SVIL: variants seen among roughly 807,000 people sequenced by gnomAD.
SVIL encodes the protein archvillin.
SVIL carries 101 observed loss-of-function variants against 240.4 expected under a neutral mutation model. That is an observed-to-expected ratio of 0.42 (90% CI 0.36 to 0.50). The LOEUF (loss-of-function observed/expected upper bound fraction) is 0.50. Ranked by LOEUF, SVIL falls within the 20% of genes least tolerant of loss-of-function variation. SVIL has a pLI of 0.01. For synonymous variants in SVIL, 999 were observed against 1,100.0 expected, an observed-to-expected ratio of 0.91 and a Z score of 1.82; for missense variants, 2,512 against 2,818.7, an observed-to-expected ratio of 0.89 and a Z score of 2.46.
chr10:29,653,553 T>C (rs1958908774), intron 3 of SVIL, among the ~76,000 whole-genome samples: 1 of 152,176 alleles, frequency 6.6e-6, no homozygotes, highest in Admixed American at 6.5e-5. Flanking sequence ...CTGCACAAAG[T>C]TTTCTAATTT....
At chr10:29,651,514 T>C (rs1237730545) in intron 3 of SVIL, among the ~76,000 whole-genome samples, 1 of 152,104 alleles carries the variant, frequency 6.6e-6, no homozygotes, top group Non-Finnish European at 1.5e-5. Flanking sequence ...TTCAGTGACC[T>C]TGTGCTCACT....
Position 29,718,974 on chromosome 10 carries a change from G to T in SVIL, c.-400+16777C>A, listed in dbSNP as rs1399801050. On this transcript the variant is annotated intron_variant, in intron 1 of 35. Transcript: ENST00000375400. The stretch of plus-strand genomic sequence containing the variant: ...AAAATACAAAAATTAGCCAGGCATG[G>T]TAGAAAGTGCCTGTCATCCCAGCTA... 2.0e-5 allele frequency among the ~76,000 whole-genome samples: 3 copies of T among 152,286 alleles called. No homozygotes were observed. In the East Asian group the frequency reaches 5.8e-4, roughly 29 times the overall value.
chr10:29,733,166 G>C (rs1048285257), intron 1 of SVIL, among the ~76,000 whole-genome samples: 3 of 152,204 alleles, frequency 2.0e-5, no homozygotes, highest in African/African-American at 7.2e-5. Flanking sequence ...CTGGATGAGG[G>C]GAGGAAGGGA....
At chr10:29,687,076 G>C (rs1441355004) in intron 1 of SVIL, among the ~76,000 whole-genome samples, 1 of 152,166 alleles carries the variant, frequency 6.6e-6, no homozygotes, top group Admixed American at 6.5e-5. Flanking sequence ...TTATCCAGAG[G>C]AGAAGGCCTC....
intron 2 of SVIL, among the ~76,000 whole-genome samples, chr10:29,565,048 A>T (rs901549858): frequency 3.3e-5 from 5 of 152,244 alleles, no homozygotes; most frequent in African/African-American, 1.2e-4. Flanking sequence ...TCTTTAGGAA[A>T]CTAAAATCTT....
chr10:29,518,695 A>C (rs1443361611), intron 16 of SVIL, among the ~76,000 whole-genome samples: 1 of 152,126 alleles, frequency 6.6e-6, no homozygotes. Flanking sequence ...GCCTCTACTA[A>C]AAATGCAAAA....
At chr10:29,473,181 G>A (rs1292065489) in intron 30 of SVIL, among the ~76,000 whole-genome samples, 2 of 152,042 alleles carry the variant, frequency 1.3e-5, no homozygotes, top group Non-Finnish European at 2.9e-5. Context: ...CGAAGGTGCT[G>A]GAGCCCTGGG....
chr10:29,504,753 G>T (rs1949142833), intron 17 of SVIL, among the ~76,000 whole-genome samples: 1 of 152,188 alleles, frequency 6.6e-6, no homozygotes, highest in Non-Finnish European at 1.5e-5. Context: ...TGATGGAAAT[G>T]CAAAATGGTA....
At chr10:29,463,358 C>T in intron 35 of SVIL, 134 bp downstream of exon 35, 1 of 1,261,406 alleles carries the variant, frequency 7.9e-7, no homozygotes, top group Non-Finnish European at 1.0e-6. Flanking sequence ...AAATTGGTTT[C>T]ATCACCACCT....
chr10:29,510,266 A>G (rs1450997746), intron 17 of SVIL, among the ~76,000 whole-genome samples: 91 of 152,280 alleles, frequency 6.0e-4, no homozygotes, highest in African/African-American at 2.1e-3. Flanking sequence ...TTTTCTTTTG[A>G]GACCAATCCA....
At chr10:29,688,740 A>G (rs985265611) in intron 1 of SVIL, among the ~76,000 whole-genome samples, 1 of 152,200 alleles carries the variant, frequency 6.6e-6, no homozygotes, top group Non-Finnish European at 1.5e-5. Context: ...GGAGATGCTC[A>G]GTTGCCCAGT....
At chr10:29,590,152 C>A (rs1275977492) in intron 1 of SVIL, among the ~76,000 whole-genome samples, 2 of 106,094 alleles carry the variant, frequency 1.9e-5, no homozygotes, top group Non-Finnish European at 1.7e-5. Context: ...GGCAACAGAG[C>A]AAGACTCCGT....
chr10:29,466,931 G>C lies in SVIL; in HGVS notation c.5977+811C>G, dbSNP rs114547334. The stretch of plus-strand genomic sequence containing the variant: ...AAGTTTATAAACATTGAGGGGCAGA[G>C]TATTATGGAGCAGTTATGAGGATAC... On this transcript the variant is annotated intron_variant, in intron 33 of 37. Coordinates refer to ENST00000355867, the MANE Select transcript of SVIL (RefSeq NM_021738.3). Among the ~76,000 whole-genome samples, 968 of 152,290 alleles carry C rather than the reference G, an allele frequency of 6.4e-3. 11 individuals carry two copies. Among genetic ancestry groups the C allele is most frequent in the African/African-American group, 0.022 (932 of 41,550 alleles).
At chr10:29,490,724 A>G (rs530619997) in intron 22 of SVIL, 123 bp downstream of exon 22, 1 of 1,197,342 alleles carries the variant, frequency 8.4e-7, no homozygotes, top group South Asian at 1.5e-5. Context: ...ACTCCTTTTT[A>G]CTTCATGAGG....
At chr10:29,570,167 G>A (rs1344069655) in intron 1 of SVIL, among the ~76,000 whole-genome samples, 1 of 152,144 alleles carries the variant, frequency 6.6e-6, no homozygotes, top group Non-Finnish European at 1.5e-5. Flanking sequence ...CCTCAGTCCT[G>A]GAATTTGGAA....
At chr10:29,572,776 A>AAAG (rs1564659684) in intron 1 of SVIL, among the ~76,000 whole-genome samples, 4 of 150,278 alleles carry the variant, frequency 2.7e-5, no homozygotes, top group South Asian at 4.2e-4. Context: ...AAAAAAAAAA[A>AAAG]AAAAAGAAAA....
chr10:29,596,210 C>A (rs1045331168), intron 1 of SVIL, among the ~76,000 whole-genome samples: 1 of 152,198 alleles, frequency 6.6e-6, no homozygotes, highest in African/African-American at 2.4e-5. Flanking sequence ...GTGGCTCTTG[C>A]CTGTATTCCC....
intron 30 of SVIL, among the ~76,000 whole-genome samples, chr10:29,471,912 T>A (rs2132313830): frequency 6.6e-6 from 1 of 152,334 alleles, no homozygotes; most frequent in South Asian, 2.1e-4. Context: ...AATTGCCATT[T>A]TGTGGCAGTA....
At chr10:29,478,189 C>T (rs72802764) in intron 29 of SVIL, among the ~76,000 whole-genome samples, 14,470 of 152,252 alleles carry the variant, frequency 0.095, 868 homozygotes, top group Non-Finnish European at 0.13. Context: ...TCTTTGGCAA[C>T]CAGCATCAGA....
Sources: gnomAD v4.1 joint callset for allele counts (sites outside exome capture counted in the v4.1 genomes callset) on GRCh38, gnomAD v4.1.1 for gene constraint, MANE v1.5 for transcripts, NCBI Gene and HGNC (gene_info 2026-07-23, HGNC 2026-07-21) for gene names.